Variants in RORA observed in about 807,000 individuals in gnomAD.
RORA encodes RAR related orphan receptor A.
In RORA, 7 loss-of-function variants were observed where a neutral mutation model predicts 69.5. The ratio of observed to expected loss-of-function variants is 0.10; its 90% CI spans 0.06 to 0.19. The LOEUF (loss-of-function observed/expected upper bound fraction) is 0.19, where lower values mean the gene tolerates loss of function less well. RORA is among the 10% of genes least tolerant of loss of function. RORA has a pLI of 1.00. For missense variants in RORA, 457 were observed against 663.0 expected, an observed-to-expected ratio of 0.69 and a Z score of 3.41; for synonymous variants, 261 against 240.8, an observed-to-expected ratio of 1.08 and a Z score of -0.78.
chr15:60,671,361 G>A lies in RORA; in HGVS notation c.196+7296C>T, dbSNP rs114028452. ...GGGGTACATAGCTGTCCTAGAAGCA[G>A]AAGTAACCACTTTGAACAATTGTTT... On this transcript the variant is annotated intron_variant, in intron 2 of 10. Coordinates refer to ENST00000335670, the MANE Select transcript of RORA (RefSeq NM_134261.3). Among the ~76,000 whole-genome samples, 1,210 of 152,204 alleles carry A rather than the reference G, an allele frequency of 7.9e-3. 12 individuals carry two copies. Among genetic ancestry groups the A allele is most frequent in the African/African-American group, 0.027 (1,118 of 41,514 alleles).
intron 1 of RORA, among the ~76,000 whole-genome samples, chr15:61,036,581 T>C (rs1194967460): frequency 6.6e-6 from 1 of 152,084 alleles, no homozygotes; most frequent in Non-Finnish European, 1.5e-5. Flanking sequence ...ATAAACATCT[T>C]TGATGAGTTC....
chr15:60,768,121 G>T (rs1369278232), intron 1 of RORA, among the ~76,000 whole-genome samples: 1 of 152,178 alleles, frequency 6.6e-6, no homozygotes, highest in Non-Finnish European at 1.5e-5. Context: ...GTTTTCATTT[G>T]TTTTCTCATC....
intron 2 of RORA, among the ~76,000 whole-genome samples, chr15:60,590,814 C>G (rs1406252358): frequency 6.6e-6 from 1 of 152,030 alleles, no homozygotes; most frequent in South Asian, 2.1e-4. Context: ...GGTTTCCTCT[C>G]TTTTACTTAT....
At chr15:60,568,966 C>G (rs1411399985) in intron 2 of RORA, among the ~76,000 whole-genome samples, 1 of 138,490 alleles carries the variant, frequency 7.2e-6, no homozygotes, top group Non-Finnish European at 1.5e-5. Context: ...AAAAAAAACT[C>G]AATATTATGG....
Position 60,707,460 on chromosome 15 carries a change from T to A in RORA, c.167-28774A>T, listed in dbSNP as rs192926763. ...CTCACTGCAAGCTCCGCCTCCCGGG[T>A]TCACGCCATTCTCCTGCCTCAGCCT... On this transcript the variant is annotated intron_variant, in intron 1 of 10. Transcript: ENST00000335670. Among the ~76,000 whole-genome samples the A allele has an allele frequency of 3.4e-3, 518 of 151,948 alleles. 1 individual carries two copies. The highest frequency in any genetic ancestry group is 4.7e-3 in the Non-Finnish European group (322 of 67,946).
At chr15:60,735,121 G>A (rs921765606) in intron 1 of RORA, among the ~76,000 whole-genome samples, 5 of 152,188 alleles carry the variant, frequency 3.3e-5, no homozygotes, top group Admixed American at 1.3e-4. Context: ...AAGAAGCTGA[G>A]TCACTGAGCC....
intron 1 of RORA, among the ~76,000 whole-genome samples, chr15:61,194,556 A>AAAG (rs397747249): frequency 1.7e-4 from 26 of 150,520 alleles, no homozygotes; most frequent in Admixed American, 4.0e-4. Flanking sequence ...AAAAAAAAAA[A>AAAG]GCTGTAACAC....
intron 2 of RORA, among the ~76,000 whole-genome samples, chr15:60,588,277 C>A (rs563732728): frequency 2.0e-5 from 3 of 152,102 alleles, no homozygotes; most frequent in Non-Finnish European, 4.4e-5. Flanking sequence ...TAAAGGCAGC[C>A]TTGATTTCTT....
intron 2 of RORA, among the ~76,000 whole-genome samples, chr15:60,536,086 T>A (rs1024898329): frequency 6.6e-6 from 1 of 152,194 alleles, no homozygotes; most frequent in Admixed American, 6.5e-5. Context: ...TTCACAAAAT[T>A]CTGGTTAGAA....
At chr15:60,621,133 C>T (rs1323867753) in intron 2 of RORA, among the ~76,000 whole-genome samples, 1 of 152,134 alleles carries the variant, frequency 6.6e-6, no homozygotes, top group Non-Finnish European at 1.5e-5. Flanking sequence ...CTTCCTTGCC[C>T]TAAGATGTTC....
intron 1 of RORA, among the ~76,000 whole-genome samples, chr15:60,841,438 C>G (rs1298578980): frequency 6.6e-6 from 1 of 152,238 alleles, no homozygotes; most frequent in Admixed American, 6.5e-5. Context: ...CTCTGTCTCT[C>G]TCTCCCTTTC....
At chr15:60,915,314 T>C (rs1891838220) in intron 1 of RORA, among the ~76,000 whole-genome samples, 1 of 152,216 alleles carries the variant, frequency 6.6e-6, no homozygotes, top group Non-Finnish European at 1.5e-5. Flanking sequence ...GACTGAATCC[T>C]GGCCACTGCC....
intron 1 of RORA, among the ~76,000 whole-genome samples, chr15:61,091,399 C>T (rs992671428): frequency 2.0e-5 from 3 of 152,066 alleles, no homozygotes; most frequent in African/African-American, 4.8e-5. Flanking sequence ...TCAAAATGGG[C>T]GTCCGTAAGC....
intron 1 of RORA, among the ~76,000 whole-genome samples, chr15:60,800,760 GT>G (rs1369102968): frequency 2.6e-5 from 4 of 152,106 alleles, no homozygotes; most frequent in Admixed American, 1.3e-4. Flanking sequence ...CCAGGACCCA[GT>G]TCATATGCCG....
intron 3 of RORA, among the ~76,000 whole-genome samples, chr15:60,521,086 A>G (rs2066149319): frequency 6.6e-6 from 1 of 152,324 alleles, no homozygotes; most frequent in East Asian, 1.9e-4. Flanking sequence ...TAGGTGATGC[A>G]TCAGAAACAC....
intron 2 of RORA, among the ~76,000 whole-genome samples, chr15:60,616,993 G>A (rs933080397): frequency 2.6e-5 from 4 of 152,204 alleles, no homozygotes; most frequent in Admixed American, 2.0e-4. Context: ...CAATGCATTT[G>A]GGGGAAGACT....
At position 61,121,904 on chromosome 15, in the gene RORA, AG is replaced by A. The variant is rs139124382; in HGVS notation, c.166+107148del. 2.2e-3 allele frequency among the ~76,000 whole-genome samples: 328 copies of A among 152,086 alleles called. 3 individuals are homozygous for A. In the East Asian group the frequency reaches 0.03, roughly 14 times the overall value. On this transcript the variant is annotated intron_variant, in intron 1 of 10. Transcript: ENST00000335670. ...TAATAAGGATCCATATACATACTGC[AG>A]GTTATGAAAATTACTGCAGCATTAA... is the stretch of plus-strand genomic sequence containing the variant.
At chr15:61,211,088 T>C (rs1488078099) in intron 1 of RORA, among the ~76,000 whole-genome samples, 4 of 152,144 alleles carry the variant, frequency 2.6e-5, no homozygotes, top group Non-Finnish European at 4.4e-5. Context: ...ATGATTTCTG[T>C]TTTTCTTCAG....
intron 1 of RORA, among the ~76,000 whole-genome samples, chr15:60,913,925 G>C (rs982278615): frequency 2.6e-5 from 4 of 152,088 alleles, no homozygotes; most frequent in African/African-American, 9.7e-5. Flanking sequence ...CCATGTCACT[G>C]CTTCCTATGG....
Sources: allele counts gnomAD v4.1 joint callset (sites outside exome capture counted in the v4.1 genomes callset), GRCh38; gene constraint gnomAD v4.1.1; transcripts MANE v1.5; gene names NCBI Gene and HGNC (gene_info 2026-07-23, HGNC 2026-07-21).